Variants in AGPAT5 observed in about 807,000 individuals in gnomAD.
AGPAT5 encodes the protein 1-acylglycerol-3-phosphate O-acyltransferase 5.
In AGPAT5, 46 loss-of-function variants were observed where a neutral mutation model predicts 45.6. The observed-to-expected ratio is 1.01, with a 90% CI of 0.80 to 1.29. The LOEUF (loss-of-function observed/expected upper bound fraction) is 1.29, where lower values mean the gene tolerates loss of function less well. Among genes scored for constraint, AGPAT5 ranks in the 50% most tolerant of loss-of-function variants. AGPAT5 has a pLI of 0.00. For missense variants in AGPAT5, 673 were observed against 450.7 expected (o/e 1.49, Z -4.47); for synonymous variants, 272 against 167.0 (o/e 1.63, Z -4.85).
In AGPAT5 at chr8:6,721,132, C is replaced by G. The variant is rs994379386; in HGVS notation, c.220-3738C>G. On this transcript the variant is annotated intron_variant, in intron 1 of 7. Transcript: ENST00000285518. ...CTATTTTGATCTTATTTCAGAAGGG[C>G]ATAATAATTTTACTATTCAATGAAA... Among the ~76,000 whole-genome samples the G allele has an allele frequency of 3.9e-5, 6 of 152,114 alleles. No homozygotes were observed. In the South Asian group the frequency reaches 1.2e-3, roughly 32 times the overall value.
chr8:6,723,487 C>G (rs1259272430), intron 1 of AGPAT5, among the ~76,000 whole-genome samples: 2 of 151,834 alleles, frequency 1.3e-5, no homozygotes, highest in Non-Finnish European at 2.9e-5. Flanking sequence ...CCCCAAAGCA[C>G]TGGGATTGCA....
chr8:6,731,631 A>C (rs4841594), intron 3 of AGPAT5, among the ~76,000 whole-genome samples: 4,280 of 152,232 alleles, frequency 0.028, 132 homozygotes, highest in African/African-American at 0.073. Context: ...AGTAAAATGA[A>C]AGAGCAAAAA....
At chr8:6,732,369 ATTATG>A (rs1156520037) in intron 3 of AGPAT5, among the ~76,000 whole-genome samples, 187 bp from the exon 4 acceptor site, 2 of 152,202 alleles carry the variant, frequency 1.3e-5, no homozygotes, top group African/African-American at 4.8e-5. Context: ...GTTTTTTTGA[ATTATG>A]TTGAGACAAG....
At position 6,709,444 on chromosome 8, in the gene AGPAT5, G is replaced by C. The variant is rs2294142; in HGVS notation, c.219+557G>C. ...GGCTTGAATGTGTGGGTGATCTGTT[G>C]TCTGATTACTTTCTTTCTGTTACTG... On this transcript the variant is annotated intron_variant, in intron 1 of 7. Coordinates refer to ENST00000285518, the MANE Select transcript of AGPAT5 (RefSeq NM_018361.5). The C allele has an allele frequency of 5.9e-3, 907 of 153,990 alleles. 24 individuals carry two copies. Among genetic ancestry groups the C allele is most frequent in the Admixed American group, 0.046 (727 of 15,662 alleles). The allele number at this position is 153,990 out of a possible 1,614,324, so 9.5% of individuals were successfully genotyped here. A position where few individuals can be genotyped will look rare whatever the true frequency, so the allele number is the denominator to read the frequency against.
chr8:6,719,243 T>C (rs1397486236), intron 1 of AGPAT5, among the ~76,000 whole-genome samples: 1 of 152,222 alleles, frequency 6.6e-6, no homozygotes, highest in Non-Finnish European at 1.5e-5. Context: ...TGCACATTAT[T>C]TTACATTAGG....
chr8:6,720,059 C>G (rs1027607985), intron 1 of AGPAT5, among the ~76,000 whole-genome samples: 1 of 152,196 alleles, frequency 6.6e-6, no homozygotes, highest in Non-Finnish European at 1.5e-5. Context: ...TTCTGGGGAA[C>G]TCATGCTTCT....
intron 7 of AGPAT5, 88 bp downstream of exon 7, chr8:6,755,262 A>T (rs543620323): frequency 2.3e-6 from 3 of 1,309,500 alleles, no homozygotes; most frequent in East Asian, 2.5e-5. Context: ...GTAAATGGTT[A>T]TATTGTCTCA....
chr8:6,752,546 C>A (rs896807945), intron 6 of AGPAT5, among the ~76,000 whole-genome samples: 1 of 150,804 alleles, frequency 6.6e-6, no homozygotes, highest in Non-Finnish European at 1.5e-5. Flanking sequence ...GAATGTGGGT[C>A]CTGTGTGTTG....
At chr8:6,732,536 C>A in intron 3 of AGPAT5, 25 bp from the exon 4 acceptor site, 2 of 1,569,800 alleles carry the variant, frequency 1.3e-6, no homozygotes, top group African/African-American at 1.4e-5. Context: ...AGTAAATGCT[C>A]TTTCTCCCGA....
At chr8:6,719,531 T>C (rs1477702952) in intron 1 of AGPAT5, among the ~76,000 whole-genome samples, 1 of 152,214 alleles carries the variant, frequency 6.6e-6, no homozygotes, top group African/African-American at 2.4e-5. Context: ...CTTCTGTTGG[T>C]CATTTGGTAG....
chr8:6,712,668 TACCTTAA>T (rs1444836686), intron 1 of AGPAT5, among the ~76,000 whole-genome samples: 1 of 152,202 alleles, frequency 6.6e-6, no homozygotes, highest in Non-Finnish European at 1.5e-5. Flanking sequence ...GGAATGAAGT[TACCTTAA>T]ATTCTATCAT....
chr8:6,725,988 A>T (rs1800674077), intron 2 of AGPAT5, among the ~76,000 whole-genome samples: 1 of 152,230 alleles, frequency 6.6e-6, no homozygotes, highest in Non-Finnish European at 1.5e-5. Flanking sequence ...AATTTAGTGA[A>T]TTAATGATTA....
At chr8:6,749,700 G>C (rs17078053) in intron 6 of AGPAT5, among the ~76,000 whole-genome samples, 62,604 of 152,016 alleles carry the variant, frequency 0.41, 13,354 homozygotes, top group East Asian at 0.47. Context: ...TTTTGCATTT[G>C]AAAACAGACA....
intron 4 of AGPAT5, among the ~76,000 whole-genome samples, 163 bp from the exon 5 acceptor site, chr8:6,741,488 ATTGTTGCATT>A (rs1373575003): frequency 1.3e-5 from 2 of 152,154 alleles, no homozygotes; most frequent in Non-Finnish European, 2.9e-5. Flanking sequence ...TTCATATTTA[ATTGTTGCATT>A]TTGTTTGCCC....
At chr8:6,725,770 T>C (rs1357418296) in intron 2 of AGPAT5, among the ~76,000 whole-genome samples, 9 of 152,146 alleles carry the variant, frequency 5.9e-5, no homozygotes, top group Admixed American at 5.9e-4. Flanking sequence ...ACCTAGAAGC[T>C]CAAAGCTGGA....
intron 5 of AGPAT5, chr8:6,746,349 T>C (rs1801464397): frequency 1.3e-5 from 2 of 152,254 alleles, no homozygotes; most frequent in Non-Finnish European, 2.9e-5. Flanking sequence ...GTCACAAAGC[T>C]ATTTTTTTAA....
chr8:6,713,532 T>C (rs1400920590), intron 1 of AGPAT5, among the ~76,000 whole-genome samples: 1 of 152,208 alleles, frequency 6.6e-6, no homozygotes, highest in Non-Finnish European at 1.5e-5. Context: ...ATTTCTCTAA[T>C]ATGCCCTTAA....
At position 6,761,391 on chromosome 8, in the gene AGPAT5, G is replaced by C. The variant is rs1165776322; in HGVS notation, c.*4003G>C. Among the ~76,000 whole-genome samples, 2 of 152,124 alleles carry C rather than the reference G, an allele frequency of 1.3e-5. No homozygotes were observed. The highest frequency in any genetic ancestry group is 2.9e-5 in the Non-Finnish European group (2 of 68,008). ...GTGTCTCCAGCAGGCAAGAATACTT[G>C]ACTAACTCTTTTTGTCTCTTTATGG... On this transcript the variant is annotated 3_prime_UTR_variant, in exon 8 of 8. Transcript: ENST00000285518.
Position 6,759,517 on chromosome 8 carries a change from A to G in AGPAT5, c.*2129A>G, listed in dbSNP as rs987302217. On this transcript the variant is annotated 3_prime_UTR_variant, in exon 8 of 8. Coordinates refer to ENST00000285518, the MANE Select transcript of AGPAT5 (RefSeq NM_018361.5). The stretch of plus-strand genomic sequence containing the variant: ...TGTAAGTCTTTTCACATATCATTTA[A>G]ACTTTTGTTTGTATTATTACTGATT... The G allele has an allele frequency of 3.3e-5, 5 of 152,308 alleles. No homozygotes were observed. The highest frequency in any genetic ancestry group is 1.2e-4 in the African/African-American group (5 of 41,572). The allele number at this position is 152,308 out of a possible 1,614,324, so 9.4% of individuals were successfully genotyped here.
Sources: allele counts gnomAD v4.1 joint callset (sites outside exome capture counted in the v4.1 genomes callset), GRCh38; gene constraint gnomAD v4.1.1; transcripts MANE v1.5; gene names NCBI Gene and HGNC (gene_info 2026-07-23, HGNC 2026-07-21).